The following NSMCE2 variants were observed in gnomAD, a reference collection of about 807,000 sequenced individuals.
NSMCE2 encodes the protein E3 SUMO-protein ligase NSE2.
Under a neutral mutation model 23.8 loss-of-function variants are expected in NSMCE2, and 24 were observed. The ratio of observed to expected loss-of-function variants is 1.01; its 90% confidence interval spans 0.73 to 1.42. The LOEUF (loss-of-function observed/expected upper bound fraction) is 1.42, where lower values mean the gene tolerates loss of function less well. Ranked by LOEUF, NSMCE2 falls within the 40% of genes most tolerant of loss-of-function variation. NSMCE2 has a pLI of 0.00. For missense variants in NSMCE2, 284 were observed against 296.5 expected (o/e 0.96, Z 0.31); for synonymous variants, 92 against 94.1 (o/e 0.98, Z 0.13).
rs551568738 is a variant in NSMCE2, at chr8:125,326,725, G to A, written c.419-30494G>A. Among the ~76,000 whole-genome samples the A allele has an allele frequency of 2.0e-4, 31 of 152,192 alleles. No individual in the cohort carries two copies. In the East Asian group the frequency reaches 5.4e-3, roughly 27 times the overall value. On this transcript the variant is annotated intron_variant, in intron 5 of 7. Transcript: ENST00000287437. The stretch of plus-strand genomic sequence containing the variant: ...AATCCCAGCACTTTGGGAGGCCGAG[G>A]CAGGTGGATCACCTGAGGTCAGGAG...
intron 5 of NSMCE2, among the ~76,000 whole-genome samples, chr8:125,208,848 A>G (rs562944267): frequency 6.6e-6 from 1 of 152,368 alleles, no homozygotes; most frequent in East Asian, 1.9e-4. Context: ...GAGTCTTTTC[A>G]AGTGGCAAGT....
chr8:125,355,146 A>T (rs996012313), intron 5 of NSMCE2, among the ~76,000 whole-genome samples: 6 of 152,144 alleles, frequency 3.9e-5, no homozygotes, highest in African/African-American at 1.4e-4. Context: ...GGGATACTCA[A>T]CCTGTAGTGC....
intron 3 of NSMCE2, among the ~76,000 whole-genome samples, chr8:125,137,459 C>G (rs1820130662): frequency 6.6e-6 from 1 of 152,132 alleles, no homozygotes; most frequent in African/African-American, 2.4e-5. Flanking sequence ...ATATGCTAAT[C>G]TAAGGCAGTT....
chr8:125,123,260 G>A (rs533263959), intron 3 of NSMCE2, among the ~76,000 whole-genome samples: 47 of 152,230 alleles, frequency 3.1e-4, no homozygotes, highest in African/African-American at 1.1e-3. Context: ...CTAGACTCAG[G>A]TGTGTTTATA....
At chr8:125,334,569 C>T (rs1830002907) in intron 5 of NSMCE2, among the ~76,000 whole-genome samples, 1 of 152,042 alleles carries the variant, frequency 6.6e-6, no homozygotes, top group South Asian at 2.1e-4. Flanking sequence ...TTCCCACCTC[C>T]CCCTGCTGGA....
At chr8:125,277,635 T>C (rs7838563) in intron 5 of NSMCE2, among the ~76,000 whole-genome samples, 85,474 of 151,498 alleles carry the variant, frequency 0.56, 25,452 homozygotes, top group Non-Finnish European at 0.66. Flanking sequence ...GCCTCCCGAG[T>C]AGCTGGGACT....
chr8:125,270,649 T>C (rs553130535), intron 5 of NSMCE2: 5 of 152,286 alleles, frequency 3.3e-5, no homozygotes, highest in Non-Finnish European at 7.3e-5. Flanking sequence ...ACTCAGTAGG[T>C]TGAGATGGGA....
At chr8:125,337,085 A>T (rs1419571132) in intron 5 of NSMCE2, among the ~76,000 whole-genome samples, 1 of 152,218 alleles carries the variant, frequency 6.6e-6, no homozygotes, top group African/African-American at 2.4e-5. Flanking sequence ...CTTTGAAAAA[A>T]TAATTATAAT....
intron 5 of NSMCE2, among the ~76,000 whole-genome samples, chr8:125,183,639 G>A (rs902468089): frequency 6.6e-6 from 1 of 151,584 alleles, no homozygotes; most frequent in Admixed American, 6.6e-5. Context: ...TCAGTGGTGT[G>A]TGTGTGTGTG....
At chr8:125,178,363 A>G (rs1822596505) in intron 4 of NSMCE2, among the ~76,000 whole-genome samples, 1 of 152,182 alleles carries the variant, frequency 6.6e-6, no homozygotes, top group Admixed American at 6.5e-5. Context: ...GTACAGAAAA[A>G]TCTGACCTTT....
At chr8:125,303,322 G>A (rs998915552) in intron 5 of NSMCE2, among the ~76,000 whole-genome samples, 5 of 152,174 alleles carry the variant, frequency 3.3e-5, no homozygotes, top group South Asian at 2.1e-4. Context: ...CCAAACTGCA[G>A]TGCAGAACAT....
chr8:125,125,460 G>T (rs1474061991), intron 3 of NSMCE2, among the ~76,000 whole-genome samples: 1 of 152,194 alleles, frequency 6.6e-6, no homozygotes. Context: ...TTGATAACTG[G>T]CACAGAACAT....
At chr8:125,177,588 A>C (rs897673840) in intron 4 of NSMCE2, among the ~76,000 whole-genome samples, 4 of 152,226 alleles carry the variant, frequency 2.6e-5, no homozygotes, top group Non-Finnish European at 5.9e-5. Context: ...CGGGCCAGAC[A>C]CTAGGGACAT....
chr8:125,172,645 C>A (rs1822277902), intron 4 of NSMCE2, among the ~76,000 whole-genome samples: 1 of 152,024 alleles, frequency 6.6e-6, no homozygotes, highest in Non-Finnish European at 1.5e-5. Context: ...AACTAGTGAG[C>A]CAGCAACTTA....
intron 7 of NSMCE2, among the ~76,000 whole-genome samples, chr8:125,358,361 A>G (rs887501123): frequency 2.0e-5 from 3 of 151,784 alleles, no homozygotes; most frequent in Non-Finnish European, 4.4e-5. Flanking sequence ...AGGTAAATTC[A>G]TGGCTAACTC....
chr8:125,111,570 C>G (rs541234374), intron 3 of NSMCE2, among the ~76,000 whole-genome samples: 2 of 152,070 alleles, frequency 1.3e-5, no homozygotes, highest in African/African-American at 4.8e-5. Flanking sequence ...GAGGCCGAGG[C>G]GGGCGGATCA....
chr8:125,272,871 G>A (rs941759584), intron 5 of NSMCE2, among the ~76,000 whole-genome samples: 1 of 123,380 alleles, frequency 8.1e-6, no homozygotes, highest in African/African-American at 3.2e-5. Context: ...ATATACACAC[G>A]TATACGTGTG....
intron 5 of NSMCE2, among the ~76,000 whole-genome samples, chr8:125,224,891 T>C (rs1825028280): frequency 6.6e-6 from 1 of 152,206 alleles, no homozygotes; most frequent in Admixed American, 6.5e-5. Context: ...AAACTGCCTC[T>C]TGTTGATTGA....
At chr8:125,289,515 T>C (rs1426132226) in intron 5 of NSMCE2, among the ~76,000 whole-genome samples, 1 of 152,200 alleles carries the variant, frequency 6.6e-6, no homozygotes, top group Non-Finnish European at 1.5e-5. Flanking sequence ...TCAGAGGGCA[T>C]TCTTGTTATC....
Sources: gnomAD v4.1 joint callset for allele counts (sites outside exome capture counted in the v4.1 genomes callset) on GRCh38, gnomAD v4.1.1 for gene constraint, MANE v1.5 for transcripts, NCBI Gene and HGNC (gene_info 2026-07-23, HGNC 2026-07-21) for gene names.